Variants in ADAMTSL1 observed in about 807,000 individuals in gnomAD.
ADAMTSL1 encodes the protein ADAMTS like 1, also known as ADAMTS-like protein 1.
A neutral mutation model predicts 201.8 loss-of-function variants in ADAMTSL1; 126 were observed. That is an observed-to-expected ratio of 0.62 (90% confidence interval 0.54 to 0.72). ADAMTSL1 has a LOEUF of 0.72. Among genes scored for constraint, ADAMTSL1 ranks in the 30% least tolerant of loss-of-function variants. The pLI is 0.00. For missense variants in ADAMTSL1, 2,679 were observed against 2,277.8 expected (o/e 1.18, Z -3.59); for synonymous variants, 1,121 against 903.4 (o/e 1.24, Z -4.32).
At chr9:18,320,978 CTG>C (rs887537449) in intron 2 of ADAMTSL1, among the ~76,000 whole-genome samples, 4 of 152,010 alleles carry the variant, frequency 2.6e-5, no homozygotes, top group Admixed American at 6.5e-5. Flanking sequence ...ATAAATATAA[CTG>C]TATTACTAAT....
chr9:18,795,431 T>G lies in ADAMTSL1; in HGVS notation c.3712T>G (p.Leu1238Val), dbSNP rs1304946746. The G allele has an allele frequency of 6.2e-7, 1 of 1,613,924 alleles. No homozygotes were observed. Among genetic ancestry groups the G allele is most frequent in the South Asian group, 1.1e-5 (1 of 91,084 alleles). Residue 1238 changes from leucine (L) to valine (V), a missense_variant, in exon 20 of 29, where the codon TTG becomes GTG. By Grantham distance (32) the Leu-to-Val change is conservative. Coordinates refer to ENST00000380548, the MANE Select transcript of ADAMTSL1 (RefSeq NM_001040272.6). ...ACAGCCAGATGATTCCTTACAGATCTTGGCACCAGTGGAAGCAGATGTGGG... is the reference window on the plus strand; with the variant it reads ...ACAGCCAGATGATTCCTTACAGATCGTGGCACCAGTGGAAGCAGATGTGGG... ...LLQPDDSLQI[L>V]APVEADVGFY... is the part of the protein sequence containing the mutation.
At chr9:18,010,725 T>C (rs1820016610) in intron 1 of ADAMTSL1, among the ~76,000 whole-genome samples, 1 of 151,988 alleles carries the variant, frequency 6.6e-6, no homozygotes, top group Admixed American at 6.6e-5. Context: ...CCTAGATTTG[T>C]TCCATTTGGT....
intron 2 of ADAMTSL1, among the ~76,000 whole-genome samples, chr9:18,413,375 G>C (rs1818535521): frequency 6.6e-6 from 1 of 151,986 alleles, no homozygotes; most frequent in Non-Finnish European, 1.5e-5. Flanking sequence ...ATGTTGGCCA[G>C]GCTGGTCTCA....
At chr9:18,528,723 C>G (rs1259544682) in intron 2 of ADAMTSL1, among the ~76,000 whole-genome samples, 1 of 152,058 alleles carries the variant, frequency 6.6e-6, no homozygotes, top group Admixed American at 6.6e-5. Context: ...ATATTTTGTT[C>G]TTTCATACTT....
intron 16 of ADAMTSL1, among the ~76,000 whole-genome samples, chr9:18,754,847 G>A (rs983121073): frequency 4.6e-5 from 7 of 152,166 alleles, no homozygotes; most frequent in Non-Finnish European, 1.0e-4. Flanking sequence ...TGATACTATG[G>A]ATGGTTTGTG....
chr9:18,353,092 T>A (rs1714630181), intron 2 of ADAMTSL1, among the ~76,000 whole-genome samples: 1 of 152,208 alleles, frequency 6.6e-6, no homozygotes, highest in Admixed American at 6.5e-5. Flanking sequence ...TTATAGTGAT[T>A]ACTATGCATG....
At chr9:18,892,085 A>T (rs1284756031) in intron 25 of ADAMTSL1, among the ~76,000 whole-genome samples, 1 of 152,178 alleles carries the variant, frequency 6.6e-6, no homozygotes, top group Non-Finnish European at 1.5e-5. Flanking sequence ...ACCTCTCTGT[A>T]TGAACACTTG....
At chr9:18,294,321 G>T (rs1833387496) in intron 2 of ADAMTSL1, among the ~76,000 whole-genome samples, 1 of 152,174 alleles carries the variant, frequency 6.6e-6, no homozygotes, top group South Asian at 2.1e-4. Flanking sequence ...ATAAAAGGAA[G>T]TTCTTCCTTG....
intron 2 of ADAMTSL1, among the ~76,000 whole-genome samples, chr9:18,271,881 G>C (rs1280870978): frequency 6.6e-6 from 1 of 152,082 alleles, no homozygotes; most frequent in East Asian, 1.9e-4. Context: ...ACTGGTGTGA[G>C]ATGGTATCTC....
intron 2 of ADAMTSL1, among the ~76,000 whole-genome samples, chr9:18,455,425 C>T (rs1445068558): frequency 1.3e-5 from 2 of 152,136 alleles, no homozygotes; most frequent in African/African-American, 4.8e-5. Flanking sequence ...GCTGGTACCA[C>T]TTACCCCCCA....
intron 2 of ADAMTSL1, among the ~76,000 whole-genome samples, chr9:18,434,038 A>C (rs1819613174): frequency 6.6e-6 from 1 of 152,214 alleles, no homozygotes; most frequent in African/African-American, 2.4e-5. Flanking sequence ...GGAGATGCTG[A>C]ACTTTTATGT....
At chr9:18,900,061 A>C (rs1161576890) in intron 26 of ADAMTSL1, among the ~76,000 whole-genome samples, 3 of 152,238 alleles carry the variant, frequency 2.0e-5, no homozygotes, top group African/African-American at 7.2e-5. Context: ...GTCTAAATCC[A>C]GTCAAGAGGA....
intron 2 of ADAMTSL1, among the ~76,000 whole-genome samples, chr9:18,237,004 A>G (rs1429123843): frequency 6.6e-6 from 1 of 152,246 alleles, no homozygotes; most frequent in Non-Finnish European, 1.5e-5. Context: ...ACATTTTTCC[A>G]GAGCCTGACT....
At chr9:17,924,276 A>G (rs890634351) in intron 1 of ADAMTSL1, among the ~76,000 whole-genome samples, 5 of 152,024 alleles carry the variant, frequency 3.3e-5, no homozygotes, top group East Asian at 3.9e-4. Context: ...TGGTTGGTAA[A>G]CTATTGATTA....
At chr9:18,355,533 A>G (rs1392106609) in intron 2 of ADAMTSL1, among the ~76,000 whole-genome samples, 4 of 152,188 alleles carry the variant, frequency 2.6e-5, no homozygotes, top group East Asian at 1.9e-4. Context: ...ATGTATTTCT[A>G]TAGTGTTAAT....
At chr9:18,337,865 C>A (rs895205298) in intron 2 of ADAMTSL1, among the ~76,000 whole-genome samples, 4 of 152,058 alleles carry the variant, frequency 2.6e-5, no homozygotes. Context: ...AATATATTAT[C>A]GAACTTTGGA....
intron 2 of ADAMTSL1, among the ~76,000 whole-genome samples, chr9:18,432,449 C>T (rs936696382): frequency 1.3e-5 from 2 of 152,158 alleles, no homozygotes; most frequent in African/African-American, 2.4e-5. Context: ...TTATCAAATG[C>T]TTTGCTAAAA....
intron 19 of ADAMTSL1, among the ~76,000 whole-genome samples, chr9:18,778,731 T>C (rs897557873): frequency 2.0e-5 from 3 of 152,224 alleles, no homozygotes; most frequent in Non-Finnish European, 4.4e-5. Context: ...TGAATAGAAG[T>C]GGATACAATT....
At chr9:18,292,439 A>G (rs986810682) in intron 2 of ADAMTSL1, among the ~76,000 whole-genome samples, 3 of 152,154 alleles carry the variant, frequency 2.0e-5, no homozygotes, top group Non-Finnish European at 2.9e-5. Flanking sequence ...TTGAGCGTCA[A>G]CTTGATTGGA....
Sources: allele counts gnomAD v4.1 joint callset (sites outside exome capture counted in the v4.1 genomes callset), GRCh38; gene constraint gnomAD v4.1.1; transcripts MANE v1.5; gene names NCBI Gene and HGNC (gene_info 2026-07-23, HGNC 2026-07-21).